The following KIAA1549L variants were observed in gnomAD, a reference collection of about 807,000 sequenced individuals.
The protein encoded by KIAA1549L is KIAA1549 like, also known as UPF0606 protein KIAA1549L.
KIAA1549L carries 88 observed loss-of-function variants against 160.7 expected under a neutral mutation model. The ratio of observed to expected loss-of-function variants is 0.55; its 90% CI spans 0.46 to 0.65. The LOEUF (loss-of-function observed/expected upper bound fraction) is 0.65. KIAA1549L is among the 30% of genes least tolerant of loss of function. KIAA1549L has a pLI of 0.00. For synonymous variants in KIAA1549L, 950 were observed against 976.7 expected (o/e 0.97, Z 0.51); for missense variants, 2,258 against 2,437.5 (o/e 0.93, Z 1.55).
chr11:33,539,056 T>C (rs1422796235), intron 1 of KIAA1549L, among the ~76,000 whole-genome samples: 1 of 152,242 alleles, frequency 6.6e-6, no homozygotes, highest in Non-Finnish European at 1.5e-5. Context: ...CTTTGAAACA[T>C]GTTTTTCTGA....
At chr11:33,656,587 G>T (rs1049410907) in intron 18 of KIAA1549L, among the ~76,000 whole-genome samples, 3 of 152,222 alleles carry the variant, frequency 2.0e-5, no homozygotes, top group Non-Finnish European at 4.4e-5. Flanking sequence ...TGTTAAGCAT[G>T]TTCTTTGCTT....
chr11:33,561,822 G>C (rs1218356659), intron 8 of KIAA1549L, 87 bp downstream of exon 8: 2 of 974,522 alleles, frequency 2.1e-6, no homozygotes, highest in Non-Finnish European at 3.3e-6. Flanking sequence ...TAATAAGATT[G>C]GCACTTTTCT....
At chr11:33,489,147 G>A (rs1409816028) in intron 1 of KIAA1549L, among the ~76,000 whole-genome samples, 2 of 152,152 alleles carry the variant, frequency 1.3e-5, no homozygotes, top group Non-Finnish European at 1.5e-5. Context: ...TAACAAAATA[G>A]CAAAGACTGG....
chr11:33,420,235 G>GTTTTTTTTTTT (rs35430385), intron 1 of KIAA1549L, among the ~76,000 whole-genome samples: 1 of 46,266 alleles, frequency 2.2e-5, no homozygotes, highest in African/African-American at 5.7e-5. Context: ...TTTTTTTTTT[G>GTTTTTTTTTTT]TTTTTTTTTT....
At chr11:33,500,278 T>C (rs542318186) in intron 1 of KIAA1549L, among the ~76,000 whole-genome samples, 36 of 152,326 alleles carry the variant, frequency 2.4e-4, no homozygotes, top group African/African-American at 7.9e-4. Flanking sequence ...TCTAGGACTT[T>C]CTGGCTCTAA....
intron 8 of KIAA1549L, among the ~76,000 whole-genome samples, chr11:33,565,681 CA>C (rs1178630152): frequency 6.6e-6 from 1 of 151,114 alleles, no homozygotes; most frequent in Non-Finnish European, 1.5e-5. Flanking sequence ...GAGATTCCCA[CA>C]GCCTCTGGCA....
At chr11:33,409,735 T>C (rs1160971806) in intron 1 of KIAA1549L, among the ~76,000 whole-genome samples, 2 of 150,862 alleles carry the variant, frequency 1.3e-5, no homozygotes, top group Non-Finnish European at 3.0e-5. Context: ...ATGAAAACCC[T>C]ACAGCTTGCT....
chr11:33,432,459 T>C (rs1377741460), intron 1 of KIAA1549L, among the ~76,000 whole-genome samples: 2 of 152,234 alleles, frequency 1.3e-5, no homozygotes, highest in Non-Finnish European at 2.9e-5. Context: ...CTTGTAAATT[T>C]GTTTAAGTTC....
In KIAA1549L at chr11:33,598,827, C is replaced by T. The variant is rs756296222; in HGVS notation, c.4759C>T (p.Pro1587Ser). 1 of 1,613,892 alleles carries T rather than the reference C, an allele frequency of 6.2e-7. No homozygotes were observed. Among genetic ancestry groups the T allele is most frequent in the Non-Finnish European group, 8.5e-7 (1 of 1,179,814 alleles). Residue 1587 changes from proline (P) to serine (S), a missense_variant, in exon 13 of 21, where the codon CCC becomes TCC. Physicochemically the swap from Pro to Ser is moderately conservative, Grantham distance 74. Coordinates refer to ENST00000658780, the MANE Select transcript of KIAA1549L (RefSeq NM_012194.3). ...TGCTATGGTTACCTCCAGCAGGTCG[C>T]CCAGTGAGAATGGCTCTGTCATCAG... ...KSTETRKSRS[P>S]SENGSVISNE...
At chr11:33,475,490 G>A (rs201226393) in intron 1 of KIAA1549L, among the ~76,000 whole-genome samples, 6 of 151,714 alleles carry the variant, frequency 4.0e-5, no homozygotes, top group South Asian at 4.2e-4. Context: ...CCAGGAGTTC[G>A]AGGTTATAGT....
intron 1 of KIAA1549L, among the ~76,000 whole-genome samples, chr11:33,410,989 A>G (rs1331285474): frequency 6.7e-6 from 1 of 150,346 alleles, no homozygotes; most frequent in Non-Finnish European, 1.5e-5. Flanking sequence ...CACAAGGACC[A>G]GTTTAGGGGA....
intron 1 of KIAA1549L, among the ~76,000 whole-genome samples, chr11:33,482,308 CT>C (rs146681649): frequency 0.052 from 7,811 of 151,278 alleles, 304 homozygotes; most frequent in East Asian, 0.16. Flanking sequence ...AATTTTTATA[CT>C]TTTTTTTTCT....
At chr11:33,556,820 A>C (rs1854663830) in intron 6 of KIAA1549L, among the ~76,000 whole-genome samples, 1 of 152,154 alleles carries the variant, frequency 6.6e-6, no homozygotes, top group South Asian at 2.1e-4. Flanking sequence ...AACAGTGTGA[A>C]TGCACTTAAT....
chr11:33,565,056 G>T (rs1855001770), intron 8 of KIAA1549L, among the ~76,000 whole-genome samples: 1 of 152,150 alleles, frequency 6.6e-6, no homozygotes, highest in South Asian at 2.1e-4. Flanking sequence ...GGCCAAGGCT[G>T]GGGGACCAGG....
chr11:33,552,658 A>G (rs1177039369), intron 6 of KIAA1549L, among the ~76,000 whole-genome samples: 3 of 17,160 alleles, frequency 1.7e-4, no homozygotes, highest in African/African-American at 3.3e-4. Flanking sequence ...ATGCCAACAC[A>G]CACACACACA....
intron 13 of KIAA1549L, among the ~76,000 whole-genome samples, chr11:33,604,588 G>C (rs577265132): frequency 6.6e-6 from 1 of 152,262 alleles, no homozygotes; most frequent in East Asian, 1.9e-4. Flanking sequence ...AGAAAATGTA[G>C]TATATATACA....
chr11:33,435,796 A>ATATATGTGTGTGTGTGTGTGTG (rs1851352809), intron 1 of KIAA1549L, among the ~76,000 whole-genome samples: 16 of 34,662 alleles, frequency 4.6e-4, no homozygotes, highest in South Asian at 1.1e-3. Context: ...ATATATATAT[A>ATATATGTGTGTGTGTGTGTGTG]TATATATATA....
chr11:33,652,993 G>C (rs1851941452), intron 17 of KIAA1549L, among the ~76,000 whole-genome samples: 1 of 152,164 alleles, frequency 6.6e-6, no homozygotes, highest in African/African-American at 2.4e-5. Context: ...ATTTCACAAG[G>C]AAAGCAAAAC....
intron 1 of KIAA1549L, among the ~76,000 whole-genome samples, chr11:33,402,567 C>G (rs1291993736): frequency 6.6e-6 from 1 of 152,214 alleles, no homozygotes; most frequent in Non-Finnish European, 1.5e-5. Context: ...TCTCACAGAT[C>G]TGTATTCTTT....
Sources: gnomAD v4.1 joint callset for allele counts (sites outside exome capture counted in the v4.1 genomes callset) on GRCh38, gnomAD v4.1.1 for gene constraint, MANE v1.5 for transcripts, NCBI Gene and HGNC (gene_info 2026-07-23, HGNC 2026-07-21) for gene names.